NFILZ: variants seen among roughly 807,000 people sequenced by gnomAD.
NFILZ encodes NFIL3 like protein.
chr19:8,641,194 C>G (rs1555746623), intron 3 of NFILZ, among the ~76,000 whole-genome samples: 1 of 152,034 alleles, frequency 6.6e-6, no homozygotes. Context: ...GGACTACTGG[C>G]ATGCACCACC....
At chr19:8,637,163 A>G in intron 3 of NFILZ, among the ~76,000 whole-genome samples, 1 of 152,104 alleles carries the variant, frequency 6.6e-6, no homozygotes, top group African/African-American at 2.4e-5. Context: ...TGAGCCCAGG[A>G]GTTCGAGGCT....
intron 3 of NFILZ, among the ~76,000 whole-genome samples, chr19:8,671,241 C>T (rs1215117347): frequency 6.6e-6 from 1 of 152,074 alleles, no homozygotes; most frequent in Admixed American, 6.6e-5. Context: ...CATCCCCCTC[C>T]GGCCACTGCA....
intron 3 of NFILZ, among the ~76,000 whole-genome samples, chr19:8,652,125 C>T (rs553061424): frequency 1.5e-5 from 2 of 131,394 alleles, no homozygotes; most frequent in Non-Finnish European, 3.2e-5. Flanking sequence ...TTTTTTGAAA[C>T]GGAGTCTTGC....
At chr19:8,633,881 TCCTTCCTTCCTTC>T (rs1405130304) in intron 2 of NFILZ, among the ~76,000 whole-genome samples, 1 of 28,358 alleles carries the variant, frequency 3.5e-5, no homozygotes, top group Non-Finnish European at 7.3e-5. Flanking sequence ...TTTTCTCCCT[TCCTTCCTTCCTTC>T]CTTCCTTCCT....
intron 3 of NFILZ, among the ~76,000 whole-genome samples, chr19:8,669,911 T>C (rs1359613327): frequency 6.6e-6 from 1 of 152,200 alleles, no homozygotes; most frequent in Admixed American, 6.5e-5. Context: ...AGCAGGCTGT[T>C]GTGGGAATAG....
intron 3 of NFILZ, among the ~76,000 whole-genome samples, chr19:8,663,895 G>A (rs2043049552): frequency 6.6e-6 from 1 of 151,984 alleles, no homozygotes; most frequent in African/African-American, 2.4e-5. Flanking sequence ...TTTAGTGGGA[G>A]CTGGGGCTTG....
intron 4 of NFILZ, among the ~76,000 whole-genome samples, chr19:8,675,812 A>G (rs1421419902): frequency 6.6e-6 from 1 of 152,146 alleles, no homozygotes; most frequent in African/African-American, 2.4e-5. Flanking sequence ...GGACCCATGG[A>G]TGAATATATA....
chr19:8,652,216 C>T (rs1300647037), intron 3 of NFILZ, among the ~76,000 whole-genome samples: 2 of 151,876 alleles, frequency 1.3e-5, no homozygotes, highest in Non-Finnish European at 2.9e-5. Flanking sequence ...CATTCTCCTG[C>T]CTCAGGCTCC....
At chr19:8,659,361 C>G (rs782067120) in intron 3 of NFILZ, among the ~76,000 whole-genome samples, 2 of 152,134 alleles carry the variant, frequency 1.3e-5, no homozygotes, top group African/African-American at 2.4e-5. Context: ...CTGACTTAGT[C>G]TGGTAGGTCG....
chr19:8,647,773 A>G (rs1422948391), intron 3 of NFILZ, among the ~76,000 whole-genome samples: 5 of 128,504 alleles, frequency 3.9e-5, no homozygotes, highest in Middle Eastern at 4.3e-3. Context: ...ACACACACGC[A>G]CACATGCGCG....
intron 3 of NFILZ, among the ~76,000 whole-genome samples, chr19:8,672,709 CAAA>C (rs2043094119): frequency 6.9e-6 from 1 of 145,958 alleles, no homozygotes. Context: ...GGCATTCATT[CAAA>C]AAATATTTAT....
At chr19:8,662,655 T>TG (rs2043037236) in intron 3 of NFILZ, among the ~76,000 whole-genome samples, 1 of 150,910 alleles carries the variant, frequency 6.6e-6, no homozygotes, top group Non-Finnish European at 1.5e-5. Context: ...TTTTTTTTTT[T>TG]GAGATGGAGT....
At chr19:8,673,310 G>T (rs2043096449) in intron 3 of NFILZ, among the ~76,000 whole-genome samples, 1 of 152,122 alleles carries the variant, frequency 6.6e-6, no homozygotes, top group Admixed American at 6.5e-5. Flanking sequence ...GTGTCTATAA[G>T]GGCTCAGTGA....
intron 1 of NFILZ, among the ~76,000 whole-genome samples, chr19:8,632,268 G>GTA (rs1368849208): frequency 6.6e-6 from 1 of 151,804 alleles, no homozygotes; most frequent in Non-Finnish European, 1.5e-5. Flanking sequence ...GTGTGTGTGT[G>GTA]TGTGTGTCAG....
chr19:8,652,187 C>G (rs2042967503), intron 3 of NFILZ, among the ~76,000 whole-genome samples: 1 of 151,182 alleles, frequency 6.6e-6, no homozygotes, highest in Non-Finnish European at 1.5e-5. Context: ...ACTGCCAGCT[C>G]CGCTTCCCAG....
At chr19:8,670,388 C>T (rs1220637326) in intron 3 of NFILZ, among the ~76,000 whole-genome samples, 5 of 152,302 alleles carry the variant, frequency 3.3e-5, no homozygotes, top group Admixed American at 1.3e-4. Flanking sequence ...GGGTGTGAGC[C>T]ATTGCACCTG....
chr19:8,633,593 C>T (rs2042880301), intron 2 of NFILZ, among the ~76,000 whole-genome samples: 1 of 152,174 alleles, frequency 6.6e-6, no homozygotes. Context: ...CTTCCCCCAC[C>T]TCTGGCTCTT....
At chr19:8,657,159 T>G (rs2967687) in intron 3 of NFILZ, among the ~76,000 whole-genome samples, 9,492 of 151,830 alleles carry the variant, frequency 0.063, 511 homozygotes, top group East Asian at 0.31. Context: ...TTGCTTTTTT[T>G]TTTTGAGACG....
At chr19:8,632,245 A>AGTGTGTGTGTGTGT (rs35056229) in intron 1 of NFILZ, among the ~76,000 whole-genome samples, 185 of 145,330 alleles carry the variant, frequency 1.3e-3, no homozygotes, top group African/African-American at 4.4e-3. Flanking sequence ...CCCGCCATAC[A>AGTGTGTGTGTGTGT]GTGTGTGTGT....
Sources: gnomAD v4.1 joint callset for allele counts (sites outside exome capture counted in the v4.1 genomes callset) on GRCh38, gnomAD v4.1.1 for gene constraint, MANE v1.5 for transcripts, NCBI Gene and HGNC (gene_info 2026-07-23, HGNC 2026-07-21) for gene names.